The following SEMA5B variants were observed in gnomAD, a reference collection of about 807,000 sequenced individuals.
SEMA5B encodes semaphorin 5B, also known as semaphorin-5B.
A neutral mutation model predicts 135.0 loss-of-function variants in SEMA5B; 66 were observed. The observed-to-expected ratio is 0.49, with a 90% CI of 0.40 to 0.60. The LOEUF is 0.60. Ranked by LOEUF, SEMA5B falls within the 20% of genes least tolerant of loss-of-function variation. The probability of loss-of-function intolerance (pLI) is 0.00; values close to 1 mark genes in which losing one functional copy is unlikely to be tolerated. For synonymous variants in SEMA5B, 690 were observed against 639.5 expected, an observed-to-expected ratio of 1.08 and a Z score of -1.19; for missense variants, 1,501 against 1,566.3, an observed-to-expected ratio of 0.96 and a Z score of 0.70.
Position 122,928,952 on chromosome 3 carries a change from C to A in SEMA5B, c.537+44G>T, listed in dbSNP as rs772914464. On this transcript the variant is annotated intron_variant, in intron 6 of 22. Coordinates refer to ENST00000357599, the MANE Select transcript of SEMA5B (RefSeq NM_001031702.4). ...CTCCATCCCCACAACCACAGGCCTC[C>A]TTCCAGCTCCAGGTGGGGCCCCTGG... is the stretch of plus-strand genomic sequence containing the variant. 110 of 1,594,504 alleles carry A rather than the reference C, an allele frequency of 6.9e-5. No homozygotes were observed. In the South Asian group the frequency reaches 1.2e-3, roughly 17 times the overall value.
Position 122,922,465 on chromosome 3 carries a change from G to A in SEMA5B, c.1273-18C>T, listed in dbSNP as rs1413823877. The A allele has an allele frequency of 1.3e-6, 2 of 1,570,894 alleles. No individual in the cohort carries two copies. The highest frequency in any genetic ancestry group is 2.7e-5 in the African/African-American group (2 of 73,968). On this transcript the variant is annotated intron_variant, in intron 10 of 22. Coordinates refer to ENST00000357599, the MANE Select transcript of SEMA5B (RefSeq NM_001031702.4). ...GTGCCACACTGCCGCGGGGAGCCAGGTCACGCGCGCCCCGGCCACCAGGGC... is the reference window on the plus strand; with the variant it reads ...GTGCCACACTGCCGCGGGGAGCCAGATCACGCGCGCCCCGGCCACCAGGGC...
intron 12 of SEMA5B, among the ~76,000 whole-genome samples, chr3:122,917,850 G>T (rs560031649): frequency 1.3e-4 from 20 of 152,184 alleles, no homozygotes; most frequent in Non-Finnish European, 1.9e-4. Flanking sequence ...TGATTTGAGG[G>T]TGTTTTATCA....
chr3:122,913,141 C>T (rs1937844425), intron 17 of SEMA5B, 58 bp downstream of exon 17: 3 of 1,450,016 alleles, frequency 2.1e-6, no homozygotes, highest in Admixed American at 2.5e-5. Context: ...CTCCCGCCCC[C>T]GCCCTCACCG....
chr3:123,028,563 G>A (rs1000365155), upstream of SEMA5B: 1 of 152,222 alleles, frequency 6.6e-6, no homozygotes, highest in Non-Finnish European at 1.5e-5. Context: ...TCTCAGCTGA[G>A]GACGGAAGGT....
intron 5 of SEMA5B, among the ~76,000 whole-genome samples, chr3:122,931,151 C>T (rs1429543137): frequency 6.6e-6 from 1 of 152,270 alleles, no homozygotes; most frequent in East Asian, 1.9e-4. Flanking sequence ...CCACTCCTCC[C>T]ATAGCCCACC....
At chr3:123,013,371 G>T (rs1942480873) in intron 1 of SEMA5B, among the ~76,000 whole-genome samples, 1 of 152,212 alleles carries the variant, frequency 6.6e-6, no homozygotes, top group South Asian at 2.1e-4. Context: ...CAGCTCGCTA[G>T]TCCACTCTGC....
chr3:123,007,808 C>A (rs909987776), intron 1 of SEMA5B, among the ~76,000 whole-genome samples: 4 of 152,124 alleles, frequency 2.6e-5, no homozygotes, highest in Non-Finnish European at 4.4e-5. Flanking sequence ...TTATAAGTTA[C>A]CCAGTTTCAT....
At chr3:123,026,492 G>T (rs1942803369) in intron 1 of SEMA5B, among the ~76,000 whole-genome samples, 1 of 152,280 alleles carries the variant, frequency 6.6e-6, no homozygotes, top group African/African-American at 2.4e-5. Context: ...CGCTGCAGGT[G>T]ATCCTCCTCC....
chr3:122,976,454 T>C (rs1292764926), intron 1 of SEMA5B, among the ~76,000 whole-genome samples: 6 of 152,140 alleles, frequency 3.9e-5, no homozygotes, highest in Non-Finnish European at 8.8e-5. Context: ...TTTGAAAAAA[T>C]ACAGCTGGTT....
intron 1 of SEMA5B, among the ~76,000 whole-genome samples, chr3:122,997,948 C>T (rs1023311552): frequency 2.6e-5 from 4 of 152,166 alleles, no homozygotes; most frequent in East Asian, 1.9e-4. Context: ...CTCTTCCTCA[C>T]GCCCCCACTT....
At chr3:122,935,668 T>G (rs1939228861) in intron 5 of SEMA5B, among the ~76,000 whole-genome samples, 1 of 143,380 alleles carries the variant, frequency 7.0e-6, no homozygotes, top group Non-Finnish European at 1.5e-5. Context: ...ATCCACTTTT[T>G]TTTCTTTTTC....
rs1001030491 is a variant in SEMA5B, at chr3:122,909,108, G to A, written c.*1035C>T. The A allele has an allele frequency of 6.5e-6, 1 of 152,686 alleles. No homozygotes were observed. 9.5% of individuals were successfully genotyped at this position (152,686 alleles called of 1,614,324 possible). ...CTACTTGGGGCATTTCCCCCGCCTTGAGAGACCATCTGCCACCCTGGTGCA... is the reference window on the plus strand; with the variant it reads ...CTACTTGGGGCATTTCCCCCGCCTTAAGAGACCATCTGCCACCCTGGTGCA... On this transcript the variant is annotated 3_prime_UTR_variant, in exon 23 of 23. Transcript: ENST00000357599.
intron 1 of SEMA5B, among the ~76,000 whole-genome samples, chr3:123,013,160 G>A (rs1046974523): frequency 1.3e-5 from 2 of 152,214 alleles, no homozygotes; most frequent in African/African-American, 4.8e-5. Flanking sequence ...GGAAGCCTGG[G>A]ATTGGCTTAC....
chr3:122,918,698 G>GGCTGC (rs1365825823), intron 12 of SEMA5B, among the ~76,000 whole-genome samples: 7 of 152,168 alleles, frequency 4.6e-5, no homozygotes, highest in African/African-American at 1.7e-4. Context: ...TCATGGACAC[G>GGCTGC]CCTGCCCTGC....
At chr3:123,009,166 C>A (rs1354740907) in intron 1 of SEMA5B, among the ~76,000 whole-genome samples, 2 of 152,086 alleles carry the variant, frequency 1.3e-5, no homozygotes, top group Non-Finnish European at 2.9e-5. Flanking sequence ...TGAAAGGGAG[C>A]TTTTACTCAG....
chr3:122,941,813 C>T (rs1211641920), intron 4 of SEMA5B, among the ~76,000 whole-genome samples: 1 of 152,236 alleles, frequency 6.6e-6, no homozygotes, highest in Non-Finnish European at 1.5e-5. Context: ...TGTTGTCCTA[C>T]AGTTATGCAA....
chr3:122,915,657 C>A, intron 13 of SEMA5B, 36 bp from the exon 14 acceptor site: 1 of 1,601,476 alleles, frequency 6.2e-7, no homozygotes, highest in Non-Finnish European at 8.5e-7. Flanking sequence ...CCCCTATTAC[C>A]CAAGCCAAGG....
chr3:122,996,853 C>A (rs1250294439), intron 1 of SEMA5B, among the ~76,000 whole-genome samples: 1 of 152,204 alleles, frequency 6.6e-6, no homozygotes, highest in Non-Finnish European at 1.5e-5. Flanking sequence ...CTTGCACAGG[C>A]AAAGATCCTT....
chr3:122,970,616 G>C (rs13074727), intron 1 of SEMA5B, among the ~76,000 whole-genome samples: 35 of 152,336 alleles, frequency 2.3e-4, no homozygotes, highest in Non-Finnish European at 4.0e-4. Flanking sequence ...GAAGTTAAAA[G>C]TCAGAAGAAA....
Sources: allele counts gnomAD v4.1 joint callset (sites outside exome capture counted in the v4.1 genomes callset), GRCh38; gene constraint gnomAD v4.1.1; transcripts MANE v1.5; gene names NCBI Gene and HGNC (gene_info 2026-07-23, HGNC 2026-07-21).